The following WDPCP variants were observed in gnomAD, a reference collection of about 807,000 sequenced individuals.
WDPCP encodes WD repeat containing planar cell polarity effector.
A neutral mutation model predicts 93.1 loss-of-function variants in WDPCP; 71 were observed. That is an observed-to-expected ratio of 0.76 (90% CI 0.63 to 0.93). The LOEUF (loss-of-function observed/expected upper bound fraction) is 0.93. WDPCP is among the 40% of genes least tolerant of loss of function. The pLI is 0.00. For missense variants in WDPCP, 844 were observed against 887.4 expected, an observed-to-expected ratio of 0.95 and a Z score of 0.62; for synonymous variants, 315 against 315.0, an observed-to-expected ratio of 1.00 and a Z score of 0.00.
intron 17 of WDPCP, among the ~76,000 whole-genome samples, chr2:63,148,222 G>A (rs1671656747): frequency 6.6e-6 from 1 of 152,120 alleles, no homozygotes; most frequent in South Asian, 2.1e-4. Context: ...AGCAACTCAG[G>A]AGGCTGAGGT....
intron 1 of WDPCP, among the ~76,000 whole-genome samples, chr2:63,554,171 T>G (rs1705895524): frequency 1.3e-5 from 2 of 152,270 alleles, no homozygotes; most frequent in South Asian, 4.1e-4. Flanking sequence ...CTCTTGATTT[T>G]GACATTTCTG....
At chr2:63,829,493 G>T (rs1263810088), upstream of WDPCP, among the ~76,000 whole-genome samples, 1 of 152,032 alleles carries the variant, frequency 6.6e-6, no homozygotes, top group Non-Finnish European at 1.5e-5. Context: ...TGAGAATTTA[G>T]CTCAGTTCCA....
intron 12 of WDPCP, among the ~76,000 whole-genome samples, chr2:63,343,214 G>C (rs1335208820): frequency 7.9e-5 from 12 of 151,318 alleles, no homozygotes; most frequent in Non-Finnish European, 1.8e-4. Context: ...TGCCATGTTG[G>C]CCAGGCTGGT....
At chr2:63,700,342 C>G (rs937850270) in intron 2 of WDPCP, among the ~76,000 whole-genome samples, 4 of 144,112 alleles carry the variant, frequency 2.8e-5, no homozygotes, top group East Asian at 2.0e-4. Flanking sequence ...GCTAGAGCTA[C>G]TTAATTAGTA....
chr2:63,755,894 C>T (rs1323312155), intron 2 of WDPCP, among the ~76,000 whole-genome samples: 1 of 152,208 alleles, frequency 6.6e-6, no homozygotes, highest in African/African-American at 2.4e-5. Context: ...TTAAGAATCT[C>T]CCCTGCAGAA....
chr2:63,359,275 G>A (rs942915114), intron 12 of WDPCP, among the ~76,000 whole-genome samples: 5 of 152,136 alleles, frequency 3.3e-5, no homozygotes, highest in Non-Finnish European at 4.4e-5. Flanking sequence ...TGCTTAAGAC[G>A]TGCAACCTTG....
chr2:63,295,889 A>C, intron 13 of WDPCP, among the ~76,000 whole-genome samples: 1 of 150,818 alleles, frequency 6.6e-6, no homozygotes, highest in African/African-American at 2.4e-5. Context: ...CCAAAAAAAA[A>C]AAAAAAAAAA....
At chr2:63,360,368 A>G (rs567512479) in intron 12 of WDPCP, among the ~76,000 whole-genome samples, 2 of 152,348 alleles carry the variant, frequency 1.3e-5, no homozygotes, top group South Asian at 2.1e-4. Flanking sequence ...ACAAAAGCTA[A>G]TCAAGAAGAC....
chr2:63,714,058 T>C (rs1207093809), intron 2 of WDPCP, among the ~76,000 whole-genome samples: 1 of 150,014 alleles, frequency 6.7e-6, no homozygotes, highest in Non-Finnish European at 1.5e-5. Context: ...TTTTATTCTT[T>C]TTTTTTTTTT....
At chr2:63,789,557 T>C (rs1336797905) in intron 2 of WDPCP, among the ~76,000 whole-genome samples, 1 of 152,158 alleles carries the variant, frequency 6.6e-6, no homozygotes, top group Non-Finnish European at 1.5e-5. Context: ...GTGGTAGTAC[T>C]ACACCTGCCA....
At chr2:63,452,917 C>T (rs2105665452) in intron 6 of WDPCP, among the ~76,000 whole-genome samples, 1 of 152,288 alleles carries the variant, frequency 6.6e-6, no homozygotes, top group Non-Finnish European at 1.5e-5. Flanking sequence ...TGGATCCCTT[C>T]CTTACACCTT....
chr2:63,398,337 A>G (rs1176208965), intron 10 of WDPCP, among the ~76,000 whole-genome samples: 2 of 152,196 alleles, frequency 1.3e-5, no homozygotes, highest in African/African-American at 2.4e-5. Flanking sequence ...CTCAGTCTAT[A>G]TATGAAGAAA....
chr2:63,147,805 C>T (rs1015621215), intron 17 of WDPCP, among the ~76,000 whole-genome samples: 1 of 151,938 alleles, frequency 6.6e-6, no homozygotes, highest in African/African-American at 2.4e-5. Context: ...CTCATCTGTA[C>T]TAAAAATGCA....
chr2:63,664,401 C>G (rs1710261682), intron 2 of WDPCP, among the ~76,000 whole-genome samples: 1 of 152,142 alleles, frequency 6.6e-6, no homozygotes, highest in African/African-American at 2.4e-5. Flanking sequence ...TCAACACTGC[C>G]AATATGTGGG....
At chr2:63,792,799 G>A (rs1207197895) in intron 2 of WDPCP, among the ~76,000 whole-genome samples, 1 of 152,048 alleles carries the variant, frequency 6.6e-6, no homozygotes, top group East Asian at 1.9e-4. Context: ...CAGACCTGAG[G>A]GCTATGAGTA....
intron 6 of WDPCP, among the ~76,000 whole-genome samples, chr2:63,478,175 C>A (rs529231144): frequency 1.3e-5 from 2 of 151,994 alleles, no homozygotes; most frequent in African/African-American, 4.8e-5. Flanking sequence ...ACAATGGAGG[C>A]CCCAAATTTA....
intron 3 of WDPCP, among the ~76,000 whole-genome samples, chr2:63,615,683 G>T (rs987189237): frequency 6.6e-6 from 1 of 152,164 alleles, no homozygotes; most frequent in African/African-American, 2.4e-5. Flanking sequence ...CCTCACCCTT[G>T]GTGTGTTTGT....
chr2:63,701,672 G>A (rs1334117145), intron 2 of WDPCP, among the ~76,000 whole-genome samples: 1 of 152,150 alleles, frequency 6.6e-6, no homozygotes, highest in Non-Finnish European at 1.5e-5. Context: ...TCAGCCATAA[G>A]AAAGAATGAA....
At chr2:63,169,687 T>C (rs1041320911) in intron 15 of WDPCP, among the ~76,000 whole-genome samples, 33 of 152,210 alleles carry the variant, frequency 2.2e-4, no homozygotes, top group Non-Finnish European at 2.9e-5. Flanking sequence ...AGGAATCCAA[T>C]TATACAAACG....
Sources: gnomAD v4.1 joint callset for allele counts (sites outside exome capture counted in the v4.1 genomes callset) on GRCh38, gnomAD v4.1.1 for gene constraint, MANE v1.5 for transcripts, NCBI Gene and HGNC (gene_info 2026-07-23, HGNC 2026-07-21) for gene names.